APPBP2: variants seen among roughly 807,000 people sequenced by gnomAD.
The protein encoded by APPBP2 is amyloid beta precursor protein binding protein 2.
Under a neutral mutation model 76.0 loss-of-function variants are expected in APPBP2, and 15 were observed. The observed-to-expected ratio is 0.20, with a 90% CI of 0.13 to 0.30. APPBP2 has a LOEUF of 0.30. APPBP2 is among the 10% of genes least tolerant of loss of function. The pLI is 1.00. For synonymous variants in APPBP2, 222 were observed against 242.2 expected (o/e 0.92, Z 0.77); for missense variants, 401 against 687.2 (o/e 0.58, Z 4.66).
At chr17:60,502,422 T>G (rs1189738896) in intron 1 of APPBP2, among the ~76,000 whole-genome samples, 2 of 152,198 alleles carry the variant, frequency 1.3e-5, no homozygotes, top group African/African-American at 4.8e-5. Context: ...AGGTGATAAA[T>G]TTCTGATTTG....
chr17:60,451,999 A>T lies in APPBP2; in HGVS notation c.1385T>A (p.Leu462His). The part of the protein sequence containing the change: ...HIKAIQIKEQ[L>H]LGQEDYEVAL... Reference sequence around the variant, plus strand: ...TACTTCATAATCTTCTTGACCAAGAAGTTGTTCTTTAATCTGAATTGCTTT... The same window carrying T: ...TACTTCATAATCTTCTTGACCAAGATGTTGTTCTTTAATCTGAATTGCTTT... Residue 462 changes from leucine (L) to histidine (H), a missense_variant, in exon 12 of 13, where the codon CTT becomes CAT. Physicochemically the swap from Leu to His is moderately conservative, Grantham distance 99. Coordinates refer to ENST00000083182, the MANE Select transcript of APPBP2 (RefSeq NM_006380.5). The T allele has an allele frequency of 6.2e-7, 1 of 1,613,762 alleles. No homozygotes were observed. The highest frequency in any genetic ancestry group is 8.5e-7 in the Non-Finnish European group (1 of 1,179,902).
intron 1 of APPBP2, among the ~76,000 whole-genome samples, chr17:60,511,249 G>GA (rs2090910001): frequency 6.6e-6 from 1 of 152,108 alleles, no homozygotes; most frequent in Non-Finnish European, 1.5e-5. Flanking sequence ...GTGAAAATCG[G>GA]AAGTGTTTCC....
intron 3 of APPBP2, among the ~76,000 whole-genome samples, chr17:60,483,073 C>T (rs764103335): frequency 2.4e-4 from 37 of 152,150 alleles, no homozygotes; most frequent in Non-Finnish European, 4.4e-4. Context: ...CCTATTTCTC[C>T]GCATCTTCTC....
intron 1 of APPBP2, among the ~76,000 whole-genome samples, chr17:60,515,759 C>T (rs62082119): frequency 0.02 from 2,997 of 152,336 alleles, 55 homozygotes; most frequent in African/African-American, 0.051. Context: ...ATCTGCAATG[C>T]GCTATACCAA....
chr17:60,519,960 T>C (rs969912612), intron 1 of APPBP2, among the ~76,000 whole-genome samples: 1 of 151,764 alleles, frequency 6.6e-6, no homozygotes, highest in Non-Finnish European at 1.5e-5. Context: ...ATTTTTTTCT[T>C]TGTTCTAGAG....
In APPBP2 at chr17:60,479,157, C is replaced by T. The variant is rs2090611620; in HGVS notation, c.494G>A (p.Cys165Tyr). ...ATATGTTCCAACTTACCTCACACAA[C>T]ATTCTACTGCACGAAACCAATGAAG... ...EMLHWFRAVE[C>Y]CVRLLHVRNG... Residue 165 changes from cysteine to tyrosine, a missense_variant, in exon 4 of 13, where the codon TGT (cysteine) becomes TAT (tyrosine). By Grantham distance (194) the Cys-to-Tyr change is radical (BLOSUM62 -2). Around this residue, in one of 5 missense-constraint regions of APPBP2, gnomAD observed 2 missense variants for 16.7 expected, o/e 0.12. Transcript: ENST00000083182. 1 of 1,611,270 alleles carries T rather than the reference C, an allele frequency of 6.2e-7. No homozygotes were observed.
At chr17:60,458,279 C>T (rs1250112861) in intron 9 of APPBP2, among the ~76,000 whole-genome samples, 2 of 151,952 alleles carry the variant, frequency 1.3e-5, no homozygotes, top group African/African-American at 4.8e-5. Flanking sequence ...ACTAAAAATA[C>T]AAAAATTAGC....
At chr17:60,462,129 A>C in intron 6 of APPBP2, 68 bp from the exon 7 acceptor site, 2 of 1,215,004 alleles carry the variant, frequency 1.6e-6, no homozygotes, top group South Asian at 1.2e-5. Context: ...CGTGTAGTTT[A>C]TATATTCTGG....
intron 3 of APPBP2, among the ~76,000 whole-genome samples, chr17:60,481,997 C>G (rs538848177): frequency 7.2e-5 from 11 of 152,288 alleles, no homozygotes; most frequent in African/African-American, 2.4e-4. Context: ...ATTCTCCTAC[C>G]TCAGCCTCCT....
At chr17:60,469,012 T>C (rs978850915) in intron 4 of APPBP2, among the ~76,000 whole-genome samples, 1 of 152,110 alleles carries the variant, frequency 6.6e-6, no homozygotes, top group Non-Finnish European at 1.5e-5. Flanking sequence ...ACACTGAAAG[T>C]GAACCTAAAG....
intron 3 of APPBP2, among the ~76,000 whole-genome samples, chr17:60,481,868 T>C (rs2090632721): frequency 6.6e-6 from 1 of 152,240 alleles, no homozygotes; most frequent in African/African-American, 2.4e-5. Flanking sequence ...ATCAATCCAG[T>C]AACCACAGGA....
chr17:60,520,993 C>T (rs1380847860), intron 1 of APPBP2, among the ~76,000 whole-genome samples: 2 of 152,108 alleles, frequency 1.3e-5, no homozygotes, highest in Admixed American at 6.5e-5. Flanking sequence ...CAGGCACGAC[C>T]GCAGCTAGCA....
chr17:60,445,341 CTAAGT>C lies in APPBP2; in HGVS notation c.*2235_*2239del, dbSNP rs1219620400. ...ATGTTGTTTTATCACTGAGTGTGAG[CTAAGT>C]TGAGTTCAAATGGAGTTAGGGAGGA... On this transcript the variant is annotated 3_prime_UTR_variant, in exon 13 of 13. Coordinates refer to ENST00000083182, the MANE Select transcript of APPBP2 (RefSeq NM_006380.5). 6.6e-6 allele frequency: 1 copy of C among 152,500 alleles called. No homozygotes were observed. Among genetic ancestry groups the C allele is most frequent in the Admixed American group, 6.6e-5 (1 of 15,266 alleles). The allele number at this position is 152,500 out of a possible 1,614,324, so 9.4% of individuals were successfully genotyped here. A position where few individuals can be genotyped will look rare whatever the true frequency, so the allele number is the denominator to read the frequency against.
chr17:60,447,401 G>A lies in APPBP2; in HGVS notation c.*180C>T, dbSNP rs2090357332. The A allele has an allele frequency of 8.2e-6, 5 of 610,074 alleles. No homozygotes were observed. Among genetic ancestry groups the A allele is most frequent in the Admixed American group, 3.5e-5 (1 of 28,968 alleles). The allele number at this position is 610,074 out of a possible 1,614,324, so 37.8% of individuals were successfully genotyped here. On this transcript the variant is annotated 3_prime_UTR_variant, in exon 13 of 13. Transcript: ENST00000083182. Reference sequence around the variant, plus strand: ...CATGCGGTACATGCTGAATATAACTGAATATATGCTTATTCCTACAGACAT... The same window carrying A: ...CATGCGGTACATGCTGAATATAACTAAATATATGCTTATTCCTACAGACAT...
At chr17:60,456,205 C>T in intron 10 of APPBP2, 91 bp downstream of exon 10, 1 of 919,822 alleles carries the variant, frequency 1.1e-6, no homozygotes, top group Non-Finnish European at 1.7e-6. Flanking sequence ...TGAGAAAATC[C>T]TCCAATCCTC....
Position 60,457,096 on chromosome 17 carries a change from T to C in APPBP2, c.1062-715A>G, listed in dbSNP as rs1003064752. Among the ~76,000 whole-genome samples the C allele has an allele frequency of 4.6e-5, 7 of 150,854 alleles. No homozygotes were observed. The East Asian group carries it at 5.8e-4, about 13-fold the overall frequency. On this transcript the variant is annotated intron_variant, in intron 9 of 12. Transcript: ENST00000083182. The stretch of plus-strand genomic sequence containing the variant: ...GTTGCAGCGAGCCAAGATTGCACCA[T>C]TGTACTCCAGCATGAGTGACAAAGA...
At chr17:60,511,139 A>T (rs2143481936) in intron 1 of APPBP2, among the ~76,000 whole-genome samples, 1 of 152,336 alleles carries the variant, frequency 6.6e-6, no homozygotes, top group South Asian at 2.1e-4. Context: ...AGGCCTAGTC[A>T]GTGATAACCA....
intron 12 of APPBP2, among the ~76,000 whole-genome samples, chr17:60,448,130 A>G (rs1236804312): frequency 6.6e-6 from 1 of 152,220 alleles, no homozygotes; most frequent in Non-Finnish European, 1.5e-5. Flanking sequence ...GAATGGCAGC[A>G]TCTCCAACAA....
chr17:60,453,661 T>G (rs948911746), intron 11 of APPBP2, among the ~76,000 whole-genome samples: 10 of 151,284 alleles, frequency 6.6e-5, no homozygotes, highest in Non-Finnish European at 1.5e-5. Flanking sequence ...TGCCTCAGCC[T>G]CTGGAGAAGC....
Sources: gnomAD v4.1 joint callset for allele counts (sites outside exome capture counted in the v4.1 genomes callset) on GRCh38, gnomAD v4.1.1 for gene constraint, gnomAD v4.1.1 regional missense constraint, MANE v1.5 for transcripts, NCBI Gene and HGNC (gene_info 2026-07-23, HGNC 2026-07-21) for gene names.